Variants in CD8B2 observed in about 807,000 individuals in gnomAD.
The protein encoded by CD8B2 is CD8B family member 2, also known as T-cell surface glycoprotein CD8 beta-2 chain.
CD8B2 carries 11 observed loss-of-function variants against 23.7 expected under a neutral mutation model. That is an observed-to-expected ratio of 0.46 (90% CI 0.29 to 0.77). The LOEUF is 0.77. CD8B2 is among the 30% of genes least tolerant of loss of function. The probability of loss-of-function intolerance (pLI) is 0.09; values close to 1 mark genes in which losing one functional copy is unlikely to be tolerated. For missense variants in CD8B2, 197 were observed against 270.5 expected, an observed-to-expected ratio of 0.73 and a Z score of 1.91; for synonymous variants, 90 against 109.3, an observed-to-expected ratio of 0.82 and a Z score of 1.10.
chr2:106,512,076 G>A (rs1177338377), downstream of CD8B2, among the ~76,000 whole-genome samples: 4 of 152,160 alleles, frequency 2.6e-5, no homozygotes, highest in Admixed American at 1.3e-4. Context: ...ATTCTTCTAC[G>A]TAATTTTGTT....
At chr2:106,504,495 A>C (rs943556743) in intron 5 of CD8B2, among the ~76,000 whole-genome samples, 170 bp downstream of exon 5, 1 of 152,112 alleles carries the variant, frequency 6.6e-6, no homozygotes, top group African/African-American at 2.4e-5. Context: ...CTGAAGCAGG[A>C]GGATCACTTG....
chr2:106,530,218 A>AAACGCCAGGCTAATTT (rs1558886064), intron 5 of CD8B2, among the ~76,000 whole-genome samples: 1 of 152,166 alleles, frequency 6.6e-6, no homozygotes, highest in Non-Finnish European at 1.5e-5. Flanking sequence ...ACTAGAGGAG[A>AAACGCCAGGCTAATTT]TCTTGAGGGC....
chr2:106,490,912 T>G lies in CD8B2; in HGVS notation c.82T>G (p.Tyr28Asp). 6.2e-7 allele frequency: 1 copy of G among 1,604,254 alleles called. No homozygotes were observed. Among genetic ancestry groups the G allele is most frequent in the South Asian group, 1.1e-5 (1 of 88,756 alleles). The part of the protein sequence containing the change: ...GNSVLQQTPA[Y>D]IKVQTNKMVM... ...CTCAGTCCTCCAGCAGACCCCTGCA[T>G]ACATAAAGGTGCAAACCAACAAGAT... Residue 28 changes from tyrosine (Y) to aspartate (D), a missense_variant, in exon 2 of 6, where the codon TAC becomes GAC. Tyr to Asp is a radical substitution (Grantham distance 160). Coordinates refer to ENST00000643224, the MANE Select transcript of CD8B2 (RefSeq NM_001349727.2).
intron 1 of CD8B2, among the ~76,000 whole-genome samples, chr2:106,489,886 C>T (rs1382432162): frequency 6.6e-6 from 1 of 152,176 alleles, no homozygotes; most frequent in Non-Finnish European, 1.5e-5. Context: ...GGTCTCACAG[C>T]TGGCACGGCC....
At chr2:106,506,881 T>G in intron 5 of CD8B2, 47 bp from the exon 6 acceptor site, 1 of 1,595,754 alleles carries the variant, frequency 6.3e-7, no homozygotes, top group South Asian at 1.1e-5. Context: ...AAATTCAATA[T>G]CGTTTGCCTG....
chr2:106,493,993 C>T (rs1679246902), intron 2 of CD8B2, among the ~76,000 whole-genome samples: 1 of 152,200 alleles, frequency 6.6e-6, no homozygotes, highest in South Asian at 2.1e-4. Flanking sequence ...TTCTTCCCAT[C>T]AATGTCTTGA....
At chr2:106,535,741 A>G (rs1680077423) in intron 5 of CD8B2, among the ~76,000 whole-genome samples, 1 of 152,186 alleles carries the variant, frequency 6.6e-6, no homozygotes, top group Non-Finnish European at 1.5e-5. Context: ...CAGCTCTAAC[A>G]TTCTAAAGCT....
At position 106,502,517 on chromosome 2, in the gene CD8B2, C is replaced by T. The variant is rs1439199207; in HGVS notation, c.537C>T (p.Gly179=). 1.0e-5 allele frequency: 16 copies of T among 1,584,860 alleles called. No individual in the cohort carries two copies. Among genetic ancestry groups the T allele is most frequent in the Admixed American group, 3.6e-5 (2 of 56,068 alleles). ...SPVTLGLLVA[G]VLVLLVSLGV... ...TCACCCTTGGCCTGCTGGTGGCTGG[C>T]GTCCTGGTTCTGCTGGTTTCCCTGG... Residue 179 remains glycine (G), a synonymous_variant, in exon 4 of 6, where the codon GGC becomes GGT. Coordinates refer to ENST00000643224, the MANE Select transcript of CD8B2 (RefSeq NM_001349727.2).
chr2:106,506,320 C>T (rs923857808), intron 5 of CD8B2, among the ~76,000 whole-genome samples: 1 of 151,890 alleles, frequency 6.6e-6, no homozygotes, highest in Non-Finnish European at 1.5e-5. Context: ...TTTGCAAGCC[C>T]AGGGTCAGCT....
chr2:106,523,017 T>C (rs113214056), intron 5 of CD8B2, among the ~76,000 whole-genome samples: 1,667 of 152,292 alleles, frequency 0.011, 25 homozygotes, highest in African/African-American at 0.038. Flanking sequence ...GCCTAAATTT[T>C]ATTTTGCAAT....
Position 106,531,268 on chromosome 2 carries a change from C to T in CD8B2, c.621-12724C>T, listed in dbSNP as rs148583341. The stretch of plus-strand genomic sequence containing the variant: ...CATGACACTCAGACATAGTAGATAC[C>T]GTCCCCCAAATCTGAAGAGATACTC... On this transcript the variant is annotated intron_variant, in intron 5 of 5. Transcript: ENST00000416057. Among the ~76,000 whole-genome samples, 594 of 152,212 alleles carry T rather than the reference C, an allele frequency of 3.9e-3. 3 individuals are homozygous for T. The highest frequency in any genetic ancestry group is 0.013 in the African/African-American group (548 of 41,518).
chr2:106,525,734 GTGACTGGCTTTTCATTTAGCATAATAT>G (rs1679897342), intron 5 of CD8B2, among the ~76,000 whole-genome samples: 2 of 152,038 alleles, frequency 1.3e-5, no homozygotes, highest in African/African-American at 4.8e-5. Flanking sequence ...ATGGCCTTTT[GTGACTGGCTTTTCATTTAGCATAATAT>G]TTTCAAAGCT....
chr2:106,491,094 G>A lies in CD8B2; in HGVS notation c.264G>A (p.Glu88=). The part of the protein sequence containing the change: ...GTIHGEEVEQ[E]KIAVFRDASR... ...TCCACGGTGAAGAGGTGGAACAGGA[G>A]AAGATAGCTGTGTTTCGGGATGCAA... Residue 88 remains glutamate, a synonymous_variant, in exon 2 of 6, where the codon GAG becomes GAA. Coordinates refer to ENST00000643224, the MANE Select transcript of CD8B2 (RefSeq NM_001349727.2). The A allele has an allele frequency of 6.2e-7, 1 of 1,613,950 alleles. No homozygotes were observed. Among genetic ancestry groups the A allele is most frequent in the Non-Finnish European group, 8.5e-7 (1 of 1,179,810 alleles).
Position 106,516,379 on chromosome 2 carries a change from C to T in CD8B2, c.620+12054C>T, listed in dbSNP as rs146267530. ...CTGGGTTTCCGAGGACATGACATAC[C>T]CAGGCCTAAGCTGACCCGATACCTT... On this transcript the variant is annotated intron_variant, in intron 5 of 5. Transcript: ENST00000416057. Among the ~76,000 whole-genome samples, 12 of 152,214 alleles carry T rather than the reference C, an allele frequency of 7.9e-5. No homozygotes were observed. In the East Asian group the frequency reaches 2.3e-3, roughly 29 times the overall value.
chr2:106,511,049 G>GTTGGGGAAAAAGCAATTAAAAGT lies in CD8B2; in HGVS notation c.*4114_*4136dup, dbSNP rs1358139558. 3 of 152,104 alleles carry GTTGGGGAAAAAGCAATTAAAAGT rather than the reference G, an allele frequency of 2.0e-5. No individual in the cohort carries two copies. The highest frequency in any genetic ancestry group is 4.4e-5 in the Non-Finnish European group (3 of 68,046). The allele number at this position is 152,104 out of a possible 1,614,324, so 9.4% of individuals were successfully genotyped here. A position where few individuals can be genotyped will look rare whatever the true frequency, so the allele number is the denominator to read the frequency against. On this transcript the variant is annotated 3_prime_UTR_variant, in exon 6 of 6. Coordinates refer to ENST00000643224, the MANE Select transcript of CD8B2 (RefSeq NM_001349727.2). The stretch of plus-strand genomic sequence containing the variant: ...TTTTACATCATGTATTACTTTTGTA[G>GTTGGGGAAAAAGCAATTAAAAGT]TTGGGGAAAAAGCAATTAAAAGTTT...
At chr2:106,532,107 T>C (rs1376203352) in intron 5 of CD8B2, among the ~76,000 whole-genome samples, 1 of 152,232 alleles carries the variant, frequency 6.6e-6, no homozygotes, top group African/African-American at 2.4e-5. Context: ...TCCAGCACAG[T>C]TAGCTGAGCC....
intron 5 of CD8B2, among the ~76,000 whole-genome samples, chr2:106,525,364 G>T (rs913654984): frequency 1.3e-5 from 2 of 152,128 alleles, no homozygotes; most frequent in African/African-American, 4.8e-5. Context: ...CAGGTCTTGG[G>T]CATGTTTGTT....
chr2:106,531,109 G>A (rs866992194), intron 5 of CD8B2, among the ~76,000 whole-genome samples: 1 of 151,950 alleles, frequency 6.6e-6, no homozygotes, highest in Non-Finnish European at 1.5e-5. Flanking sequence ...TATTTCTTTC[G>A]TGAAATCCAA....
In CD8B2 at chr2:106,495,026, C is replaced by G. The variant is rs1481439806; in HGVS notation, c.404-1147C>G. ...GAATGCCGAGTTGGGCGGAGGGGCT[C>G]GTTGTGCCAAAGGCTGGGCGATCCA... On this transcript the variant is annotated intron_variant, in intron 2 of 5. Coordinates refer to ENST00000643224, the MANE Select transcript of CD8B2 (RefSeq NM_001349727.2). 2.6e-4 allele frequency among the ~76,000 whole-genome samples: 40 copies of G among 152,222 alleles called. No homozygotes were observed. In the East Asian group the frequency reaches 3.9e-3, roughly 15 times the overall value.
Sources: gnomAD v4.1 joint callset for allele counts (sites outside exome capture counted in the v4.1 genomes callset) on GRCh38, gnomAD v4.1.1 for gene constraint, MANE v1.5 for transcripts, NCBI Gene and HGNC (gene_info 2026-07-23, HGNC 2026-07-21) for gene names.